Variants in C11orf16 observed in about 807,000 individuals in gnomAD.
C11orf16 encodes the protein uncharacterized protein C11orf16.
A neutral mutation model predicts 45.1 loss-of-function variants in C11orf16; 38 were observed. The ratio of observed to expected loss-of-function variants is 0.84; its 90% confidence interval spans 0.65 to 1.10. C11orf16 has a LOEUF of 1.10. Ranked by LOEUF, C11orf16 falls within the 50% of genes least tolerant of loss-of-function variation. The probability of loss-of-function intolerance (pLI) is 0.00; values close to 1 mark genes in which losing one functional copy is unlikely to be tolerated. For missense variants in C11orf16, 583 were observed against 569.5 expected (o/e 1.02, Z -0.24); for synonymous variants, 221 against 222.0 (o/e 1.00, Z 0.04).
At chr11:8,924,994 G>T (rs542117601) in intron 5 of C11orf16, among the ~76,000 whole-genome samples, 1 of 152,288 alleles carries the variant, frequency 6.6e-6, no homozygotes, top group East Asian at 1.9e-4. Context: ...GGTCCTCCCC[G>T]CTCACTTACT....
At position 8,927,014 on chromosome 11, in the gene C11orf16, A is replaced by G; in HGVS notation, c.485T>C (p.Leu162Pro). ...SLRPGDKVLA[L>P]WEPGQQQYGP... ...ATACTGCTGTTGGCCTGGCTCCCAGAGTGCCAGCACCTTATCCCCTGGTCT... is the reference window on the plus strand; with the variant it reads ...ATACTGCTGTTGGCCTGGCTCCCAGGGTGCCAGCACCTTATCCCCTGGTCT... Residue 162 changes from leucine to proline, a missense_variant, in exon 4 of 7, where the codon CTC becomes CCC. Coordinates refer to ENST00000326053, the MANE Select transcript of C11orf16 (RefSeq NM_020643.3). The G allele has an allele frequency of 6.2e-7, 1 of 1,614,080 alleles. No individual in the cohort carries two copies. The highest frequency in any genetic ancestry group is 8.5e-7 in the Non-Finnish European group (1 of 1,180,020).
chr11:8,926,693 C>G (rs2064616165), intron 4 of C11orf16, among the ~76,000 whole-genome samples: 1 of 152,020 alleles, frequency 6.6e-6, no homozygotes, highest in Non-Finnish European at 1.5e-5. Context: ...AGCTAACCAA[C>G]ATAGATATGA....
At chr11:8,926,419 C>T (rs542678743) in intron 4 of C11orf16, among the ~76,000 whole-genome samples, 4 of 152,224 alleles carry the variant, frequency 2.6e-5, no homozygotes, top group South Asian at 2.1e-4. Context: ...TGCACCTCTC[C>T]GTGGAGAGCC....
intron 2 of C11orf16, among the ~76,000 whole-genome samples, chr11:8,929,825 A>G (rs908422910): frequency 1.3e-5 from 2 of 152,314 alleles, no homozygotes; most frequent in East Asian, 1.9e-4. Flanking sequence ...TTGTTCCTAC[A>G]CTAGACAACA....
rs971586655 is a variant in C11orf16 at position 8,926,161 on chromosome 11, T to C, written c.560-54A>G. ...TTATAATTACCAATTATCTCCTTTT[T>C]TTTCTTTTTTCTTTTTTTCTTTTCT... On this transcript the variant is annotated intron_variant, in intron 4 of 6. Coordinates refer to ENST00000326053, the MANE Select transcript of C11orf16 (RefSeq NM_020643.3). 5 of 1,418,848 alleles carry C rather than the reference T, an allele frequency of 3.5e-6. No homozygotes were observed. In the South Asian group the frequency reaches 5.8e-5, roughly 17 times the overall value. The allele number at this position is 1,418,848 out of a possible 1,614,324, so 87.9% of individuals were successfully genotyped here. A position where few individuals can be genotyped will look rare whatever the true frequency, so the allele number is the denominator to read the frequency against.
chr11:8,927,253 C>T (rs1007060220), intron 3 of C11orf16, 79 bp from the exon 4 acceptor site: 1 of 1,149,094 alleles, frequency 8.7e-7, no homozygotes, highest in Non-Finnish European at 1.2e-6. Context: ...CTACGATGCC[C>T]CCCAAATCAG....
At position 8,920,424 on chromosome 11, in the gene C11orf16, C is replaced by G. The variant is rs1050740024; in HGVS notation, c.*49G>C. On this transcript the variant is annotated 3_prime_UTR_variant, in exon 7 of 7. Coordinates refer to ENST00000326053, the MANE Select transcript of C11orf16 (RefSeq NM_020643.3). ...GTCAGCCACTCTGTATAACTCTCCTCGAATATTTACCATGTTTATTCTTTA... is the reference window on the plus strand; with the variant it reads ...GTCAGCCACTCTGTATAACTCTCCTGGAATATTTACCATGTTTATTCTTTA... 4.4e-6 allele frequency: 3 copies of G among 680,418 alleles called. No individual in the cohort carries two copies. The East Asian group carries it at 8.5e-5, about 19-fold the overall frequency. The allele number at this position is 680,418 out of a possible 1,614,324, so 42.1% of individuals were successfully genotyped here. A position where few individuals can be genotyped will look rare whatever the true frequency, so the allele number is the denominator to read the frequency against.
rs775063645 is a variant in C11orf16, at chr11:8,927,006, G to A, written c.493C>T (p.Pro165Ser). ...PGDKVLALWE[P>S]GQQQYGPGTV... is the part of the protein sequence containing the mutation. The stretch of plus-strand genomic sequence containing the variant: ...CCAGGGCCATACTGCTGTTGGCCTG[G>A]CTCCCAGAGTGCCAGCACCTTATCC... Residue 165 changes from proline (P) to serine (S), a missense_variant, in exon 4 of 7, where the codon CCA (proline) becomes TCA (serine). By Grantham distance (74) the Pro-to-Ser change is moderately conservative (BLOSUM62 -1). Transcript: ENST00000326053. 1 of 1,614,058 alleles carries A rather than the reference G, an allele frequency of 6.2e-7. No individual in the cohort carries two copies. The highest frequency in any genetic ancestry group is 8.5e-7 in the Non-Finnish European group (1 of 1,180,024).
chr11:8,923,718 C>T (rs2064589688), intron 5 of C11orf16, among the ~76,000 whole-genome samples: 1 of 152,076 alleles, frequency 6.6e-6, no homozygotes, highest in Admixed American at 6.5e-5. Context: ...ATTCTCATAC[C>T]TCAGCCTCCC....
At position 8,927,155 on chromosome 11, in the gene C11orf16, A is replaced by G; in HGVS notation, c.344T>C (p.Leu115Pro). The change falls in exon 4 of 7, where the codon CTG becomes CCG. Residue 115 changes from leucine (L) to proline (P), a missense_variant. Coordinates refer to ENST00000326053, the MANE Select transcript of C11orf16 (RefSeq NM_020643.3). ...ATPELERQGV[L>P]LVEFEAPLVA... Reference sequence around the variant, plus strand: ...AAGAGGAGCCTCGAATTCCACAAGCAGGACCCCCTGTCTCTCCAGCTGTGG... The same window carrying G: ...AAGAGGAGCCTCGAATTCCACAAGCGGGACCCCCTGTCTCTCCAGCTGTGG... The G allele has an allele frequency of 1.2e-6, 2 of 1,613,932 alleles. No homozygotes were observed. The highest frequency in any genetic ancestry group is 1.7e-6 in the Non-Finnish European group (2 of 1,179,946).
intron 6 of C11orf16, 138 bp downstream of exon 6, chr11:8,921,156 T>G (rs2064569879): frequency 1.5e-6 from 1 of 661,512 alleles, no homozygotes; most frequent in African/African-American, 1.8e-5. Context: ...TGAAATTACA[T>G]GCAAAATTGA....
intron 1 of C11orf16, among the ~76,000 whole-genome samples, chr11:8,932,697 C>A (rs1274692461): frequency 6.6e-6 from 1 of 152,160 alleles, no homozygotes; most frequent in Non-Finnish European, 1.5e-5. Context: ...ATTTTTCCTC[C>A]TTCCTCCTCC....
intron 4 of C11orf16, among the ~76,000 whole-genome samples, 199 bp downstream of exon 4, chr11:8,926,741 T>C (rs1389122577): frequency 6.6e-6 from 1 of 152,092 alleles, no homozygotes; most frequent in African/African-American, 2.4e-5. Context: ...AATTTTTTTT[T>C]TAATAATCTG....
intron 4 of C11orf16, 147 bp downstream of exon 4, chr11:8,926,793 A>G: frequency 3.3e-6 from 2 of 611,796 alleles, no homozygotes; most frequent in Non-Finnish European, 2.9e-6. Context: ...TGCTGCCCTC[A>G]AGATTAAGCA....
chr11:8,930,853 T>G (rs1201366713), intron 2 of C11orf16, among the ~76,000 whole-genome samples: 2 of 152,134 alleles, frequency 1.3e-5, no homozygotes, highest in East Asian at 3.9e-4. Flanking sequence ...TCAGCCCCCC[T>G]CAGCCTCCTT....
intron 5 of C11orf16, among the ~76,000 whole-genome samples, chr11:8,921,985 A>G (rs574501343): frequency 1.1e-4 from 17 of 152,194 alleles, no homozygotes; most frequent in Admixed American, 4.6e-4. Flanking sequence ...AATGTTTTCT[A>G]TTTTTAGAGA....
At chr11:8,924,069 A>G (rs946421513) in intron 5 of C11orf16, among the ~76,000 whole-genome samples, 54 of 152,074 alleles carry the variant, frequency 3.6e-4, no homozygotes, top group African/African-American at 1.1e-3. Flanking sequence ...GAGATAGGGG[A>G]AAAATCCTCA....
intron 3 of C11orf16, chr11:8,927,769 G>T (rs548209035): frequency 2.5e-6 from 1 of 402,028 alleles, no homozygotes; most frequent in African/African-American, 2.0e-5. Flanking sequence ...AGTACAAGCT[G>T]TTTCAAGTAC....
chr11:8,921,075 G>C (rs149189087), intron 6 of C11orf16, among the ~76,000 whole-genome samples: 2,443 of 152,230 alleles, frequency 0.016, 66 homozygotes, highest in African/African-American at 0.055. Flanking sequence ...ATAGAACAGA[G>C]GGTCATTTAA....
Sources: allele counts gnomAD v4.1 joint callset (sites outside exome capture counted in the v4.1 genomes callset), GRCh38; gene constraint gnomAD v4.1.1; transcripts MANE v1.5; gene names NCBI Gene and HGNC (gene_info 2026-07-23, HGNC 2026-07-21).